Variants in TLN2 observed in about 807,000 individuals in gnomAD.
The protein encoded by TLN2 is talin-2.
A neutral mutation model predicts 294.7 loss-of-function variants in TLN2; 118 were observed. That is an observed-to-expected ratio of 0.40 (90% CI 0.34 to 0.47). The LOEUF (loss-of-function observed/expected upper bound fraction) is 0.47. Ranked by LOEUF, TLN2 falls within the 20% of genes least tolerant of loss-of-function variation. TLN2 has a pLI of 0.84. For missense variants in TLN2, 3,083 were observed against 3,282.2 expected, an observed-to-expected ratio of 0.94 and a Z score of 1.48; for synonymous variants, 1,431 against 1,304.5, an observed-to-expected ratio of 1.10 and a Z score of -2.09.
chr15:62,516,719 G>C (rs1258671106), intron 1 of TLN2, among the ~76,000 whole-genome samples: 1 of 152,208 alleles, frequency 6.6e-6, no homozygotes, highest in African/African-American at 2.4e-5. Context: ...AGAAGCTCTA[G>C]GGGGCAGGTG....
intron 1 of TLN2, among the ~76,000 whole-genome samples, chr15:62,481,609 C>T (rs28451129): frequency 0.012 from 1,872 of 152,230 alleles, 40 homozygotes; most frequent in African/African-American, 0.043. Context: ...GATCCTCCCA[C>T]CTCAGTCTCC....
intron 44 of TLN2, among the ~76,000 whole-genome samples, chr15:62,782,412 T>C (rs1212978992): frequency 6.6e-6 from 1 of 152,222 alleles, no homozygotes; most frequent in African/African-American, 2.4e-5. Context: ...CAGATTCCTG[T>C]TGAGCAGGAA....
chr15:62,755,712 G>C lies in TLN2; in HGVS notation c.4638+19G>C, dbSNP rs769083858. ...CATCAAGGTAGGTCGCTGGACTACC[G>C]GCCTTATTGAACTCTGTAACTCCTG... On this transcript the variant is annotated intron_variant, in intron 37 of 58. Transcript: ENST00000636159. 1.2e-6 allele frequency: 2 copies of C among 1,613,428 alleles called. No homozygotes were observed. The highest frequency in any genetic ancestry group is 1.3e-5 in the African/African-American group (1 of 74,920).
intron 2 of TLN2, among the ~76,000 whole-genome samples, chr15:62,599,913 T>C (rs1026593481): frequency 2.0e-5 from 3 of 152,150 alleles, no homozygotes; most frequent in Non-Finnish European, 2.9e-5. Flanking sequence ...AAATAAAAAT[T>C]GACCGTGGAG....
At chr15:62,840,024 T>C (rs2070430750) in intron 58 of TLN2, among the ~76,000 whole-genome samples, 1 of 152,190 alleles carries the variant, frequency 6.6e-6, no homozygotes, top group South Asian at 2.1e-4. Flanking sequence ...GAGGGCCATC[T>C]GGTGGTCCAG....
intron 1 of TLN2, among the ~76,000 whole-genome samples, chr15:62,473,809 C>T (rs2037626099): frequency 6.6e-6 from 1 of 152,184 alleles, no homozygotes; most frequent in South Asian, 2.1e-4. Flanking sequence ...AGGAGTTGTA[C>T]AGGGCCGGGC....
At chr15:62,545,272 G>T (rs962169825) in intron 1 of TLN2, among the ~76,000 whole-genome samples, 1 of 152,048 alleles carries the variant, frequency 6.6e-6, no homozygotes, top group African/African-American at 2.4e-5. Flanking sequence ...GATGTGTACA[G>T]AAAAATTGGG....
At chr15:62,669,614 A>G (rs1430179368) in intron 9 of TLN2, among the ~76,000 whole-genome samples, 2 of 152,206 alleles carry the variant, frequency 1.3e-5, no homozygotes, top group Non-Finnish European at 2.9e-5. Flanking sequence ...AACTTGCTTA[A>G]TTAGGAAAAT....
intron 1 of TLN2, among the ~76,000 whole-genome samples, chr15:62,475,579 A>G (rs893768172): frequency 2.6e-5 from 4 of 152,232 alleles, no homozygotes; most frequent in Non-Finnish European, 5.9e-5. Context: ...AACCTGATGT[A>G]TGGAACAAGA....
chr15:62,775,292 C>T (rs1405977839), intron 42 of TLN2, among the ~76,000 whole-genome samples: 1 of 152,130 alleles, frequency 6.6e-6, no homozygotes, highest in East Asian at 1.9e-4. Context: ...TCCCTTTCAC[C>T]TTCTGTACGA....
intron 46 of TLN2, among the ~76,000 whole-genome samples, chr15:62,794,550 T>C (rs1388607107): frequency 6.6e-6 from 1 of 152,232 alleles, no homozygotes; most frequent in Non-Finnish European, 1.5e-5. Flanking sequence ...GTGATACTTG[T>C]CTTGGCCTTT....
At chr15:62,525,217 A>G (rs1467873663) in intron 1 of TLN2, among the ~76,000 whole-genome samples, 1 of 152,202 alleles carries the variant, frequency 6.6e-6, no homozygotes. Context: ...TAATCAGTTT[A>G]TTAAAGTTGA....
At chr15:62,689,762 C>G (rs1182655689) in intron 12 of TLN2, among the ~76,000 whole-genome samples, 1 of 141,228 alleles carries the variant, frequency 7.1e-6, no homozygotes, top group Non-Finnish European at 1.5e-5. Context: ...AAGTTGGTGT[C>G]AATTTGTAGG....
chr15:62,538,041 G>A (rs977153706), intron 1 of TLN2, among the ~76,000 whole-genome samples: 2 of 152,130 alleles, frequency 1.3e-5, no homozygotes, highest in African/African-American at 4.8e-5. Context: ...GGCCAATGTG[G>A]TGAAACCCCA....
chr15:62,567,762 C>A (rs897276355), intron 1 of TLN2, among the ~76,000 whole-genome samples: 1 of 152,072 alleles, frequency 6.6e-6, no homozygotes, highest in Non-Finnish European at 1.5e-5. Context: ...TTGCTTGTAC[C>A]TGGGAGGTGG....
At chr15:62,430,709 T>G (rs185224994) in intron 1 of TLN2, among the ~76,000 whole-genome samples, 2 of 152,314 alleles carry the variant, frequency 1.3e-5, no homozygotes, top group Admixed American at 6.5e-5. Flanking sequence ...AAACCCCATG[T>G]CGATCATGAG....
chr15:62,503,631 C>T (rs2039425649), intron 1 of TLN2, among the ~76,000 whole-genome samples: 1 of 152,192 alleles, frequency 6.6e-6, no homozygotes, highest in Non-Finnish European at 1.5e-5. Context: ...TGTGTCTGCC[C>T]TTGGCTGTGC....
At chr15:62,423,843 G>A (rs932084851) in intron 1 of TLN2, among the ~76,000 whole-genome samples, 1 of 152,186 alleles carries the variant, frequency 6.6e-6, no homozygotes, top group African/African-American at 2.4e-5. Flanking sequence ...GCCTCCCAAA[G>A]TTTTGGGATT....
chr15:62,391,260 C>T (rs28409809), intron 1 of TLN2, among the ~76,000 whole-genome samples: 2,413 of 152,352 alleles, frequency 0.016, 55 homozygotes, highest in African/African-American at 0.052. Flanking sequence ...CGGTGCCGGA[C>T]ACTCAGACCT....
Sources: gnomAD v4.1 joint callset for allele counts (sites outside exome capture counted in the v4.1 genomes callset) on GRCh38, gnomAD v4.1.1 for gene constraint, MANE v1.5 for transcripts, NCBI Gene and HGNC (gene_info 2026-07-23, HGNC 2026-07-21) for gene names.